Variants in KLF12 observed in about 807,000 individuals in gnomAD.
KLF12 encodes KLF transcription factor 12.
In KLF12, 9 loss-of-function variants were observed where a neutral mutation model predicts 37.8. That is an observed-to-expected ratio of 0.24 (90% confidence interval 0.14 to 0.42). The LOEUF (loss-of-function observed/expected upper bound fraction) is 0.42. Among genes scored for constraint, KLF12 ranks in the 10% least tolerant of loss-of-function variants. KLF12 has a pLI of 1.00. For missense variants in KLF12, 411 were observed against 516.0 expected, an observed-to-expected ratio of 0.80 and a Z score of 1.97; for synonymous variants, 208 against 202.1, an observed-to-expected ratio of 1.03 and a Z score of -0.25.
chr13:74,266,498 A>G, the KLF12 span, among the ~76,000 whole-genome samples: 2 of 152,194 alleles, frequency 1.3e-5, no homozygotes, highest in African/African-American at 4.8e-5. Flanking sequence ...ATGCACAGGA[A>G]TGGTTCCAAG....
chr13:74,009,235 T>A (rs778087557), intron 1 of KLF12, among the ~76,000 whole-genome samples: 6 of 152,222 alleles, frequency 3.9e-5, no homozygotes, highest in Non-Finnish European at 8.8e-5. Context: ...TCTGTCACTA[T>A]CTTGAAAATT....
At chr13:74,072,408 A>ATATATAT (rs1874324035) in intron 1 of KLF12, among the ~76,000 whole-genome samples, 2 of 48,450 alleles carry the variant, frequency 4.1e-5, no homozygotes, top group East Asian at 1.2e-3. Context: ...TATATATATA[A>ATATATAT]AAGATTATCT....
At chr13:73,785,646 T>C (rs1056484083) in intron 5 of KLF12, among the ~76,000 whole-genome samples, 1 of 152,092 alleles carries the variant, frequency 6.6e-6, no homozygotes, top group East Asian at 1.9e-4. Context: ...TTTTGCAAGA[T>C]AGATTTCAGA....
At chr13:73,889,744 T>TA (rs2139010867) in intron 3 of KLF12, among the ~76,000 whole-genome samples, 1 of 152,078 alleles carries the variant, frequency 6.6e-6, no homozygotes, top group Non-Finnish European at 1.5e-5. Context: ...GCTAACAGAG[T>TA]AAAAAATTTA....
At position 73,704,690 on chromosome 13, in the gene KLF12, G is replaced by C. The variant is rs560766225; in HGVS notation, c.1028-9019C>G. 5.3e-5 allele frequency among the ~76,000 whole-genome samples: 8 copies of C among 152,280 alleles called. No homozygotes were observed. The East Asian group carries it at 1.5e-3, about 29-fold the overall frequency. The stretch of plus-strand genomic sequence containing the variant: ...GAAAGATAATCTGATCATGCCACTT[G>C]TTGGCCCCATAGTACCCTGAGACAC... On this transcript the variant is annotated intron_variant, in intron 7 of 7. Coordinates refer to ENST00000377669, the MANE Select transcript of KLF12 (RefSeq NM_007249.5).
intron 3 of KLF12, among the ~76,000 whole-genome samples, chr13:73,930,968 T>C (rs1889646888): frequency 6.8e-6 from 1 of 146,202 alleles, no homozygotes; most frequent in Admixed American, 7.0e-5. Flanking sequence ...GCAATTCTCC[T>C]ACCTCAGACT....
At chr13:74,288,339 T>C in the KLF12 span, among the ~76,000 whole-genome samples, 1 of 152,176 alleles carries the variant, frequency 6.6e-6, no homozygotes, top group South Asian at 2.1e-4. Context: ...TTCATTTTTG[T>C]CCAGAGCCAA....
chr13:74,161,320 A>C, the KLF12 span, among the ~76,000 whole-genome samples: 66 of 152,260 alleles, frequency 4.3e-4, no homozygotes, highest in African/African-American at 1.3e-3. Flanking sequence ...AGATGTAATT[A>C]GTTAAGGTTC....
At chr13:73,877,631 T>C (rs1886778917) in intron 3 of KLF12, among the ~76,000 whole-genome samples, 1 of 152,222 alleles carries the variant, frequency 6.6e-6, no homozygotes, top group African/African-American at 2.4e-5. Flanking sequence ...GTGTTTTCTT[T>C]GTAAACTGAT....
At chr13:73,959,123 C>CTAAAAAAAAAAAAAAA (rs1890940582) in intron 2 of KLF12, among the ~76,000 whole-genome samples, 1 of 11,504 alleles carries the variant, frequency 8.7e-5, no homozygotes, top group Non-Finnish European at 3.5e-4. Flanking sequence ...CACCCCCCTT[C>CTAAAAAAAAAAAAAAA]CAAAAAAAAA....
rs990367165 is a variant in KLF12, at chr13:73,832,227, CTCAT to C, written c.670+13596_670+13599del. ...CTTTGTGTGCCCTCCATTCTCTACT[CTCAT>C]TATTTACTCTTTTCCTGGTCTGAAA... On this transcript the variant is annotated intron_variant, in intron 4 of 7. Transcript: ENST00000377669. Among the ~76,000 whole-genome samples, 89 of 152,176 alleles carry C rather than the reference CTCAT, an allele frequency of 5.8e-4. 1 individual carries two copies. The highest frequency in any genetic ancestry group is 2.1e-3 in the African/African-American group (86 of 41,420).
rs199973309 is a variant in KLF12, at chr13:74,021,294, G to GA, written c.-31-26242dup. On this transcript the variant is annotated intron_variant, in intron 1 of 7. Transcript: ENST00000377669. ...GCATTACTCCCACTTTTCTCATCAA[G>GA]AAAAAAAAAAGATGCCTTACTATAA... Among the ~76,000 whole-genome samples, 801 of 147,746 alleles carry GA rather than the reference G, an allele frequency of 5.4e-3. 11 individuals are homozygous for GA. Among genetic ancestry groups the GA allele is most frequent in the African/African-American group, 0.019 (751 of 40,392 alleles).
intron 1 of KLF12, among the ~76,000 whole-genome samples, chr13:74,078,380 A>C (rs1027806618): frequency 2.6e-5 from 4 of 152,196 alleles, no homozygotes; most frequent in Admixed American, 2.0e-4. Context: ...AAACCATATT[A>C]CTAAAAATGT....
At chr13:74,114,184 GCCACCCCAACCTTCAGAA>G (rs1877145293) in intron 1 of KLF12, among the ~76,000 whole-genome samples, 1 of 152,024 alleles carries the variant, frequency 6.6e-6, no homozygotes, top group African/African-American at 2.4e-5. Flanking sequence ...AACTGCCATG[GCCACCCCAACCTTCAGAA>G]CCACCACCCC....
chr13:74,169,079 T>A, the KLF12 span, among the ~76,000 whole-genome samples: 1 of 152,152 alleles, frequency 6.6e-6, no homozygotes, highest in African/African-American at 2.4e-5. Context: ...TCTCAGGAAA[T>A]GGGTTAGTGT....
intron 1 of KLF12, among the ~76,000 whole-genome samples, chr13:74,058,353 CTTTTTTTT>C (rs55954411): frequency 1.4e-5 from 1 of 72,648 alleles, no homozygotes. Flanking sequence ...ATAATTTTAT[CTTTTTTTT>C]TTTTTTTTTT....
chr13:73,732,652 G>GT (rs1877153664), intron 6 of KLF12, among the ~76,000 whole-genome samples: 1 of 152,072 alleles, frequency 6.6e-6, no homozygotes. Context: ...TCCTCCAGCC[G>GT]TTTCTCCTTT....
chr13:73,718,640 C>T (rs1046284942), intron 6 of KLF12, among the ~76,000 whole-genome samples: 1 of 152,186 alleles, frequency 6.6e-6, no homozygotes, highest in Non-Finnish European at 1.5e-5. Context: ...CACCAGTAAT[C>T]CCAGCACTTT....
chr13:74,010,451 A>G (rs1892523340), intron 1 of KLF12, among the ~76,000 whole-genome samples: 1 of 152,160 alleles, frequency 6.6e-6, no homozygotes, highest in Non-Finnish European at 1.5e-5. Context: ...GTGGCATGCT[A>G]CACCCTACAT....
Sources: allele counts gnomAD v4.1 joint callset (sites outside exome capture counted in the v4.1 genomes callset), GRCh38; gene constraint gnomAD v4.1.1; transcripts MANE v1.5; gene names NCBI Gene and HGNC (gene_info 2026-07-23, HGNC 2026-07-21).